The following FAXDC2 variants were observed in gnomAD, a reference collection of about 807,000 sequenced individuals.
The protein encoded by FAXDC2 is fatty acid hydroxylase domain-containing protein 2.
A neutral mutation model predicts 40.9 loss-of-function variants in FAXDC2; 41 were observed. That is an observed-to-expected ratio of 1.00 (90% CI 0.78 to 1.30). The LOEUF (loss-of-function observed/expected upper bound fraction) is 1.30, where lower values mean the gene tolerates loss of function less well. Among genes scored for constraint, FAXDC2 ranks in the 50% most tolerant of loss-of-function variants. The pLI is 0.00. For missense variants in FAXDC2, 390 were observed against 408.8 expected (o/e 0.95, Z 0.40); for synonymous variants, 157 against 149.3 (o/e 1.05, Z -0.38).
chr5:154,839,623 A>G (rs1760433366), intron 1 of FAXDC2, among the ~76,000 whole-genome samples: 1 of 152,046 alleles, frequency 6.6e-6, no homozygotes, highest in South Asian at 2.1e-4. Context: ...TCCAGCCTGG[A>G]CGACAGAGTG....
At chr5:154,841,733 C>G (rs1174189431) in intron 1 of FAXDC2, among the ~76,000 whole-genome samples, 1 of 150,872 alleles carries the variant, frequency 6.6e-6, no homozygotes. Context: ...GAGGCAAAGT[C>G]ATATTCTTTT....
chr5:154,843,611 A>C (rs924274242), intron 1 of FAXDC2, among the ~76,000 whole-genome samples: 14 of 152,218 alleles, frequency 9.2e-5, no homozygotes, highest in African/African-American at 3.4e-4. Flanking sequence ...ATGGTCTCCA[A>C]CTTCAAAACT....
chr5:154,820,481 G>C lies in FAXDC2; in HGVS notation c.846-9C>G. Reference sequence around the variant, plus strand: ...CATAGCACTGGTTGAACCTAGAAGAGAGAGGACGGCACTGCAGTGCCCATG... The same window carrying C: ...CATAGCACTGGTTGAACCTAGAAGACAGAGGACGGCACTGCAGTGCCCATG... On this transcript the variant is annotated splice_polypyrimidine_tract_variant and intron_variant, in intron 8 of 8. Coordinates refer to ENST00000326080, the MANE Select transcript of FAXDC2 (RefSeq NM_032385.5). 2 of 1,604,386 alleles carry C rather than the reference G, an allele frequency of 1.2e-6. No homozygotes were observed. Among genetic ancestry groups the C allele is most frequent in the African/African-American group, 1.3e-5 (1 of 74,744 alleles).
At chr5:154,822,273 A>C (rs1448794765) in intron 7 of FAXDC2, 199 bp downstream of exon 7, 2 of 560,872 alleles carry the variant, frequency 3.6e-6, no homozygotes, top group Non-Finnish European at 6.4e-6. Flanking sequence ...GAAAAAAAGA[A>C]AGTTGTTGGG....
At chr5:154,849,899 A>T (rs780292259) in intron 1 of FAXDC2, among the ~76,000 whole-genome samples, 24 of 152,240 alleles carry the variant, frequency 1.6e-4, no homozygotes, top group Non-Finnish European at 2.9e-4. Context: ...TCAAGCCACT[A>T]ACGATTTCAC....
chr5:154,832,380 A>G (rs1293308198), intron 4 of FAXDC2, among the ~76,000 whole-genome samples: 3 of 151,856 alleles, frequency 2.0e-5, no homozygotes, highest in African/African-American at 7.3e-5. Flanking sequence ...CGCCCGACTA[A>G]TTTTTTGTAT....
intron 1 of FAXDC2, among the ~76,000 whole-genome samples, chr5:154,845,030 C>T (rs1760567594): frequency 6.6e-6 from 1 of 152,222 alleles, no homozygotes; most frequent in Non-Finnish European, 1.5e-5. Flanking sequence ...CTGTTGACAT[C>T]TCATTTCATT....
At chr5:154,839,145 G>A (rs146158137) in intron 1 of FAXDC2, among the ~76,000 whole-genome samples, 1,561 of 151,250 alleles carry the variant, frequency 0.01, 20 homozygotes, top group African/African-American at 0.034. Flanking sequence ...GGCCAACACC[G>A]CAAAACCACA....
intron 1 of FAXDC2, among the ~76,000 whole-genome samples, chr5:154,839,635 G>A (rs1256793247): frequency 6.6e-6 from 1 of 151,236 alleles, no homozygotes; most frequent in Non-Finnish European, 1.5e-5. Flanking sequence ...GACAGAGTGT[G>A]ACCTTGTCTC....
chr5:154,823,750 C>T (rs995573335), intron 5 of FAXDC2, 158 bp from the exon 6 acceptor site: 4 of 628,092 alleles, frequency 6.4e-6, no homozygotes, highest in South Asian at 3.7e-5. Context: ...GGCCTGGAAA[C>T]GTTGCAGAAT....
rs1346111591 is a variant in FAXDC2 at position 154,823,524 on chromosome 5, G to C, written c.435C>G (p.Pro145=). ...GGAAGGGATAGAGGAAGACCACCAT[G>C]GGGAAAGATATCATGCACTGGTTGA... ...VLFNQCMISF[P]MVVFLYPFLK... is the part of the protein sequence containing the mutation. Residue 145 remains proline, a synonymous_variant, in exon 6 of 9, where the codon CCC becomes CCG. Transcript: ENST00000326080. 6.2e-7 allele frequency: 1 copy of C among 1,614,186 alleles called. No individual in the cohort carries two copies. The highest frequency in any genetic ancestry group is 1.7e-5 in the Admixed American group (1 of 60,024).
At chr5:154,839,702 T>C (rs892124854) in intron 1 of FAXDC2, among the ~76,000 whole-genome samples, 10 of 152,252 alleles carry the variant, frequency 6.6e-5, no homozygotes, top group Admixed American at 5.9e-4. Context: ...AAATATTTTA[T>C]GTTTTTATAT....
At chr5:154,830,208 A>G (rs975596882) in intron 5 of FAXDC2, 1 of 152,266 alleles carries the variant, frequency 6.6e-6, no homozygotes, top group African/African-American at 2.4e-5. Flanking sequence ...CTCAGGGAAC[A>G]GTGGGACCCA....
intron 2 of FAXDC2, 141 bp from the exon 3 acceptor site, chr5:154,835,075 T>A: frequency 1.6e-6 from 1 of 625,744 alleles, no homozygotes; most frequent in South Asian, 1.9e-5. Context: ...CAGCTGGCCT[T>A]TTCCAGCTTC....
At chr5:154,842,512 G>GTTTTTTT (rs772426610) in intron 1 of FAXDC2, among the ~76,000 whole-genome samples, 3 of 51,618 alleles carry the variant, frequency 5.8e-5, no homozygotes, top group Non-Finnish European at 7.6e-5. Flanking sequence ...CCCTTTGTGT[G>GTTTTTTT]TTTTTTTTTT....
At chr5:154,826,618 G>A (rs772175636) in intron 5 of FAXDC2, among the ~76,000 whole-genome samples, 5 of 152,012 alleles carry the variant, frequency 3.3e-5, no homozygotes, top group Non-Finnish European at 5.9e-5. Flanking sequence ...ATATTTCAAG[G>A]CTGAGGGAGT....
At chr5:154,848,030 A>G (rs147404184) in intron 1 of FAXDC2, among the ~76,000 whole-genome samples, 2,264 of 151,484 alleles carry the variant, frequency 0.015, 24 homozygotes, top group African/African-American at 0.034. Flanking sequence ...TAGTAGAGAC[A>G]GGGTTTCACC....
intron 2 of FAXDC2, among the ~76,000 whole-genome samples, chr5:154,836,892 C>G (rs1248954448): frequency 6.6e-6 from 1 of 152,162 alleles, no homozygotes; most frequent in African/African-American, 2.4e-5. Context: ...CAAGGCTGGT[C>G]TTGAACTCCT....
intron 1 of FAXDC2, chr5:154,838,519 T>C: frequency 3.6e-6 from 1 of 277,702 alleles, no homozygotes; most frequent in Non-Finnish European, 6.8e-6. Flanking sequence ...CATTTCTCCC[T>C]TTTATTAGAG....
Sources: allele counts gnomAD v4.1 joint callset (sites outside exome capture counted in the v4.1 genomes callset), GRCh38; gene constraint gnomAD v4.1.1; transcripts MANE v1.5; gene names NCBI Gene and HGNC (gene_info 2026-07-23, HGNC 2026-07-21).